Variants in PPP1R42 observed in about 807,000 individuals in gnomAD.
PPP1R42 encodes leucine rich repeat containing 67.
Under a neutral mutation model 31.0 loss-of-function variants are expected in PPP1R42, and 34 were observed. The ratio of observed to expected loss-of-function variants is 1.10; its 90% CI spans 0.83 to 1.46. The LOEUF (loss-of-function observed/expected upper bound fraction) is 1.46. PPP1R42 is among the 40% of genes most tolerant of loss of function. The probability of loss-of-function intolerance (pLI) is 0.00; values close to 1 mark genes in which losing one functional copy is unlikely to be tolerated. For synonymous variants in PPP1R42, 103 were observed against 109.8 expected (o/e 0.94, Z 0.39); for missense variants, 268 against 303.0 (o/e 0.88, Z 0.86).
At chr8:67,009,230 A>G (rs1815775769) in intron 5 of PPP1R42, among the ~76,000 whole-genome samples, 1 of 151,788 alleles carries the variant, frequency 6.6e-6, no homozygotes, top group African/African-American at 2.4e-5. Context: ...AGATCACGCC[A>G]CTGCACTCCA....
At chr8:66,985,476 A>G in intron 6 of PPP1R42, 1 of 981,668 alleles carries the variant, frequency 1.0e-6, no homozygotes, top group South Asian at 1.4e-5. Context: ...GTGTAGGTTT[A>G]ATTTGGTCTT....
At chr8:66,968,136 A>G (rs574846652) in intron 7 of PPP1R42, among the ~76,000 whole-genome samples, 2 of 152,226 alleles carry the variant, frequency 1.3e-5, no homozygotes, top group African/African-American at 2.4e-5. Flanking sequence ...TAAATAAAAA[A>G]TAGGTTTGAC....
chr8:66,964,963 C>T (rs1423631530), intron 7 of PPP1R42, among the ~76,000 whole-genome samples: 2 of 152,206 alleles, frequency 1.3e-5, no homozygotes. Flanking sequence ...CAGTTTCTGG[C>T]AACTACTGAT....
intron 7 of PPP1R42, among the ~76,000 whole-genome samples, chr8:66,976,617 T>TC (rs1444776885): frequency 6.6e-6 from 1 of 152,166 alleles, no homozygotes; most frequent in East Asian, 1.9e-4. Context: ...TTTGGTTTTT[T>TC]TTTTTTTTTT....
In PPP1R42 at chr8:67,013,095, AC is replaced by A; in HGVS notation, c.297del (p.Tyr100IlefsTer10). ...ACAGCAATGTAATTGCCTCCCAGAT[AC>A]CTGCAAAACATAGACATAATTCTAA... is the stretch of plus-strand genomic sequence containing the variant. The part of the protein sequence containing the change: ...NLRSLKKLEK[L>X]YLGGNYIAVI... On this transcript the variant is annotated frameshift_variant and splice_region_variant, in exon 4 of 8. Transcript: ENST00000685739. LOFTEE classifies it high-confidence loss of function. The A allele has an allele frequency of 6.3e-7, 1 of 1,589,662 alleles. No homozygotes were observed. Among genetic ancestry groups the A allele is most frequent in the Non-Finnish European group, 8.5e-7 (1 of 1,171,710 alleles).
At chr8:67,018,467 C>T (rs1816086938) in intron 1 of PPP1R42, among the ~76,000 whole-genome samples, 2 of 150,578 alleles carry the variant, frequency 1.3e-5, no homozygotes, top group Non-Finnish European at 3.0e-5. Context: ...CCCAGGCTGG[C>T]GTGTAGTGGC....
chr8:66,971,320 C>G (rs1814532940), intron 7 of PPP1R42, among the ~76,000 whole-genome samples: 1 of 152,024 alleles, frequency 6.6e-6, no homozygotes. Flanking sequence ...ATACAAAAAC[C>G]TATACAGGAA....
intron 5 of PPP1R42, among the ~76,000 whole-genome samples, chr8:67,000,052 A>G (rs556632135): frequency 6.6e-6 from 1 of 151,922 alleles, no homozygotes; most frequent in Non-Finnish European, 1.5e-5. Context: ...GGCATCATTG[A>G]TTTTTCTCTA....
intron 5 of PPP1R42, among the ~76,000 whole-genome samples, chr8:66,996,963 C>A (rs922383671): frequency 2.0e-5 from 3 of 152,092 alleles, no homozygotes; most frequent in Admixed American, 6.6e-5. Flanking sequence ...AAAAGCCTGG[C>A]CAACATGCCG....
At chr8:67,026,686 G>A (rs975387551) in intron 1 of PPP1R42, among the ~76,000 whole-genome samples, 1 of 151,932 alleles carries the variant, frequency 6.6e-6, no homozygotes, top group Admixed American at 6.6e-5. Flanking sequence ...AAATAAATGA[G>A]CCGGGCATGG....
intron 5 of PPP1R42, among the ~76,000 whole-genome samples, chr8:66,992,062 T>G (rs1245385960): frequency 1.3e-5 from 2 of 152,132 alleles, no homozygotes; most frequent in African/African-American, 2.4e-5. Flanking sequence ...GCTAGCCTTA[T>G]CACTGATCCA....
At chr8:66,978,475 GC>G (rs1814738056) in intron 7 of PPP1R42, among the ~76,000 whole-genome samples, 1 of 152,116 alleles carries the variant, frequency 6.6e-6, no homozygotes, top group South Asian at 2.1e-4. Context: ...CTGTCACCAG[GC>G]TAGAGTGCAG....
intron 1 of PPP1R42, among the ~76,000 whole-genome samples, chr8:67,024,820 C>A (rs1816344393): frequency 6.6e-6 from 1 of 152,042 alleles, no homozygotes; most frequent in African/African-American, 2.4e-5. Context: ...ACCATGTTGC[C>A]CAGGCTGGTA....
chr8:67,011,098 CT>C (rs1160573846), intron 4 of PPP1R42, among the ~76,000 whole-genome samples: 2 of 150,880 alleles, frequency 1.3e-5, no homozygotes, highest in African/African-American at 4.9e-5. Flanking sequence ...ACAAAATAAA[CT>C]TATAGAATAA....
chr8:67,018,145 C>T (rs527491512), intron 1 of PPP1R42, among the ~76,000 whole-genome samples: 5 of 147,246 alleles, frequency 3.4e-5, no homozygotes, highest in South Asian at 2.1e-4. Flanking sequence ...GACGGAGTTT[C>T]GCTCTTGTCA....
chr8:66,969,198 T>C (rs1814470808), intron 7 of PPP1R42, among the ~76,000 whole-genome samples: 1 of 152,228 alleles, frequency 6.6e-6, no homozygotes, highest in South Asian at 2.1e-4. Flanking sequence ...GATCTAACAA[T>C]GCACGTGGCA....
At chr8:67,024,123 C>T (rs1049520875) in intron 1 of PPP1R42, among the ~76,000 whole-genome samples, 1 of 150,674 alleles carries the variant, frequency 6.6e-6, no homozygotes, top group African/African-American at 2.4e-5. Context: ...TCCAGCCTGG[C>T]GACAGACCAA....
At chr8:67,007,192 T>C (rs1470284337) in intron 5 of PPP1R42, among the ~76,000 whole-genome samples, 3 of 152,072 alleles carry the variant, frequency 2.0e-5, no homozygotes, top group Non-Finnish European at 2.9e-5. Flanking sequence ...GTAGAGACTT[T>C]GTCTTATTTA....
At chr8:66,973,179 G>A (rs967326616) in intron 7 of PPP1R42, among the ~76,000 whole-genome samples, 7 of 151,714 alleles carry the variant, frequency 4.6e-5, no homozygotes, top group African/African-American at 1.5e-4. Context: ...TATCATAACA[G>A]CAACTACCAC....
Sources: allele counts gnomAD v4.1 joint callset (sites outside exome capture counted in the v4.1 genomes callset), GRCh38; gene constraint gnomAD v4.1.1; transcripts MANE v1.5; gene names NCBI Gene and HGNC (gene_info 2026-07-23, HGNC 2026-07-21).